Variants in FRYL observed in about 807,000 individuals in gnomAD.
FRYL encodes the protein FRY like transcription coactivator.
A neutral mutation model predicts 351.2 loss-of-function variants in FRYL; 150 were observed. The ratio of observed to expected loss-of-function variants is 0.43; its 90% CI spans 0.37 to 0.49. The LOEUF is 0.49. Ranked by LOEUF, FRYL falls within the 20% of genes least tolerant of loss-of-function variation. The pLI, the probability that FRYL is intolerant of heterozygous loss-of-function variation, is 0.00. For synonymous variants in FRYL, 1,153 were observed against 1,257.1 expected (o/e 0.92, Z 1.75); for missense variants, 3,036 against 3,619.3 (o/e 0.84, Z 4.13).
rs1732170615 is a variant in FRYL at position 48,549,397 on chromosome 4, CAGAT to C, written c.4784+72_4784+75del. Reference sequence around the variant, plus strand: ...GAAGATTGCTTTCATTCTGTGTTGTCAGATAGCACAAAGAAAGCCGACAGTGTTC... The same window carrying C: ...GAAGATTGCTTTCATTCTGTGTTGTCAGCACAAAGAAAGCCGACAGTGTTC... On this transcript the variant is annotated intron_variant, in intron 39 of 63. Transcript: ENST00000358350. This position sits in a 1 kb window ranked among gnomAD's most constrained non-coding sequence, Gnocchi z 4.2. The C allele has an allele frequency of 5.2e-6, 7 of 1,335,310 alleles. No individual in the cohort carries two copies. The highest frequency in any genetic ancestry group is 7.2e-6 in the Non-Finnish European group (7 of 975,944). 82.7% of individuals were successfully genotyped at this position (1,335,310 alleles called of 1,614,324 possible).
chr4:48,706,891 AC>A (rs1767420378), intron 2 of FRYL, among the ~76,000 whole-genome samples: 1 of 152,164 alleles, frequency 6.6e-6, no homozygotes, highest in South Asian at 2.1e-4. Context: ...GCTTGAAAGC[AC>A]CCCCAGAAGG....
chr4:48,553,033 T>C (rs929465115), intron 36 of FRYL, among the ~76,000 whole-genome samples, 182 bp downstream of exon 36: 12 of 152,224 alleles, frequency 7.9e-5, no homozygotes, highest in African/African-American at 2.9e-4. Context: ...GTTTAACAAT[T>C]ATGTTAAGCT....
chr4:48,571,959 G>C, intron 26 of FRYL: 1 of 985,246 alleles, frequency 1.0e-6, no homozygotes, highest in South Asian at 4.7e-5. Flanking sequence ...TCTCTAACAA[G>C]TCATCCAGCA....
intron 23 of FRYL, among the ~76,000 whole-genome samples, chr4:48,578,352 G>C (rs1216337199): frequency 3.3e-5 from 5 of 152,160 alleles, no homozygotes; most frequent in Non-Finnish European, 7.3e-5. Flanking sequence ...AATGTGATCA[G>C]TGGTGTACTC....
At chr4:48,726,833 G>A (rs547163368) in intron 1 of FRYL, among the ~76,000 whole-genome samples, 1 of 152,218 alleles carries the variant, frequency 6.6e-6, no homozygotes, top group Admixed American at 6.5e-5. Flanking sequence ...CTTGATATGA[G>A]TGAGAAATAA....
At chr4:48,506,614 TAATATATATATATATA>T (rs1317792897) in intron 59 of FRYL, 23 of 78,004 alleles carry the variant, frequency 2.9e-4, no homozygotes, top group East Asian at 6.7e-4. Flanking sequence ...ACAATACAAC[TAATATATATATATATA>T]TATATATATA....
rs191519990 is a variant in FRYL at position 48,563,183 on chromosome 4, T to C, written c.3597-195A>G. 5.6e-3 allele frequency among the ~76,000 whole-genome samples: 858 copies of C among 152,068 alleles called. 8 individuals are homozygous for C. The highest frequency in any genetic ancestry group is 0.02 in the African/African-American group (813 of 41,464). On this transcript the variant is annotated intron_variant, in intron 31 of 63. Coordinates refer to ENST00000358350, the MANE Select transcript of FRYL (RefSeq NM_015030.2). ...TTGTCCTTATTTTGGTTAAATTCCA[T>C]TAGAGCACACGTGTTCAACCTTTTG...
At chr4:48,728,902 C>A (rs138104469) in intron 1 of FRYL, among the ~76,000 whole-genome samples, 1 of 152,184 alleles carries the variant, frequency 6.6e-6, no homozygotes, top group East Asian at 1.9e-4. Context: ...GAGGGCAAGC[C>A]GAAGCAGGGC....
chr4:48,541,111 C>A, intron 45 of FRYL, 151 bp from the exon 46 acceptor site: 1 of 722,296 alleles, frequency 1.4e-6, no homozygotes, highest in Non-Finnish European at 2.1e-6. Flanking sequence ...TTCAGTTTTC[C>A]CTTCAAATTC....
At chr4:48,735,742 A>G (rs1247820734) in intron 1 of FRYL, among the ~76,000 whole-genome samples, 1 of 58,378 alleles carries the variant, frequency 1.7e-5, no homozygotes, top group African/African-American at 6.5e-5. Context: ...AACACCGCAT[A>G]TTCTCACTCA....
chr4:48,652,673 T>A (rs188025353), intron 3 of FRYL, among the ~76,000 whole-genome samples: 1 of 152,328 alleles, frequency 6.6e-6, no homozygotes, highest in African/African-American at 2.4e-5. Flanking sequence ...TAAGACTTTA[T>A]CTTAAGAGGG....
chr4:48,671,625 C>G (rs982071286), intron 3 of FRYL, among the ~76,000 whole-genome samples: 5 of 152,012 alleles, frequency 3.3e-5, no homozygotes, highest in Admixed American at 1.3e-4. Flanking sequence ...CGAGATTGCA[C>G]CATTGCACTC....
intron 1 of FRYL, among the ~76,000 whole-genome samples, chr4:48,718,787 C>G (rs1476631880): frequency 1.3e-5 from 2 of 151,404 alleles, no homozygotes; most frequent in Admixed American, 1.3e-4. Context: ...TCAGAATCCT[C>G]CCTTTTCAAA....
intron 3 of FRYL, among the ~76,000 whole-genome samples, chr4:48,658,055 A>G (rs1449498843): frequency 6.6e-6 from 1 of 152,198 alleles, no homozygotes; most frequent in Non-Finnish European, 1.5e-5. Flanking sequence ...AAAACCATAC[A>G]TACCAGGAAA....
intron 17 of FRYL, 64 bp from the exon 18 acceptor site, chr4:48,589,941 T>A: frequency 7.3e-7 from 1 of 1,376,914 alleles, no homozygotes; most frequent in Non-Finnish European, 1.0e-6. Context: ...TTACTTTCTG[T>A]AATAAAAGCC....
intron 13 of FRYL, chr4:48,598,744 A>T (rs562784484): frequency 6.2e-6 from 3 of 481,750 alleles, no homozygotes; most frequent in Non-Finnish European, 8.1e-6. Context: ...TAGACATGCA[A>T]TGCAACAATG....
intron 3 of FRYL, among the ~76,000 whole-genome samples, chr4:48,649,613 C>A (rs1757232768): frequency 6.6e-6 from 1 of 152,168 alleles, no homozygotes; most frequent in East Asian, 1.9e-4. Context: ...AACATCCTCA[C>A]GACACAGCTG....
At chr4:48,528,450 G>T (rs1726768329) in intron 50 of FRYL, 114 bp from the exon 51 acceptor site, 2 of 686,114 alleles carry the variant, frequency 2.9e-6, no homozygotes, top group Non-Finnish European at 4.3e-6. Context: ...AAGATGAGGA[G>T]AGAAATTACT....
rs1335198729 is a variant in FRYL at position 48,582,500 on chromosome 4, A to T, written c.1983T>A (p.Thr661=). The T allele has an allele frequency of 6.3e-7, 1 of 1,596,560 alleles. No homozygotes were observed. Among genetic ancestry groups the T allele is most frequent in the East Asian group, 2.2e-5 (1 of 44,756 alleles). The change falls in exon 20 of 64, where the codon ACT becomes ACA. Residue 661 remains threonine, a synonymous_variant. Coordinates refer to ENST00000358350, the MANE Select transcript of FRYL (RefSeq NM_015030.2). The part of the protein sequence containing the change: ...AAQMHNKNQD[T]QHGVANGASH... ...ACAATAGAAAAGAATCTGGTACCTGAGTGTCCTGGTTTTTATTATGCATTT... is the reference window on the plus strand; with the variant it reads ...ACAATAGAAAAGAATCTGGTACCTGTGTGTCCTGGTTTTTATTATGCATTT...
Sources: gnomAD v4.1 joint callset for allele counts (sites outside exome capture counted in the v4.1 genomes callset) on GRCh38, gnomAD v4.1.1 for gene constraint, Gnocchi (gnomAD v3.1) non-coding constraint, MANE v1.5 for transcripts, NCBI Gene and HGNC (gene_info 2026-07-23, HGNC 2026-07-21) for gene names.